ROBO2: variants seen among roughly 807,000 people sequenced by gnomAD.
The protein encoded by ROBO2 is roundabout guidance receptor 2.
In ROBO2, 53 loss-of-function variants were observed where a neutral mutation model predicts 160.8. The observed-to-expected ratio is 0.33, with a 90% CI of 0.26 to 0.41. The LOEUF (loss-of-function observed/expected upper bound fraction) is 0.41, where lower values mean the gene tolerates loss of function less well. Among genes scored for constraint, ROBO2 ranks in the 10% least tolerant of loss-of-function variants. The pLI, the probability that ROBO2 is intolerant of heterozygous loss-of-function variation, is 1.00. For synonymous variants in ROBO2, 664 were observed against 611.7 expected, an observed-to-expected ratio of 1.09 and a Z score of -1.26; for missense variants, 1,577 against 1,722.4, an observed-to-expected ratio of 0.92 and a Z score of 1.49.
intron 1 of ROBO2, among the ~76,000 whole-genome samples, chr3:75,927,105 C>A (rs560505903): frequency 6.6e-6 from 1 of 152,254 alleles, no homozygotes; most frequent in Admixed American, 6.5e-5. Context: ...GGAGATCATC[C>A]TCTCTTGTCA....
At chr3:76,257,331 G>C (rs1464996777) in intron 2 of ROBO2, among the ~76,000 whole-genome samples, 1 of 151,974 alleles carries the variant, frequency 6.6e-6, no homozygotes, top group Non-Finnish European at 1.5e-5. Context: ...ATAAAATTTA[G>C]AAATAACTTA....
At chr3:77,504,757 A>G (rs1229401613) in intron 5 of ROBO2, among the ~76,000 whole-genome samples, 1 of 152,180 alleles carries the variant, frequency 6.6e-6, no homozygotes, top group Non-Finnish European at 1.5e-5. Flanking sequence ...AAAAGATGAG[A>G]TTGTTCTCAA....
chr3:76,833,982 T>TTTCTTTCTTTCC (rs2067310885), intron 2 of ROBO2, among the ~76,000 whole-genome samples: 1 of 98,992 alleles, frequency 1.0e-5, no homozygotes, highest in African/African-American at 3.3e-5. Flanking sequence ...CTTTCTTTTC[T>TTTCTTTCTTTCC]TTCTTTCTTT....
intron 2 of ROBO2, among the ~76,000 whole-genome samples, chr3:77,176,269 A>G (rs1004046923): frequency 1.3e-5 from 2 of 152,092 alleles, no homozygotes; most frequent in African/African-American, 4.8e-5. Context: ...TCTGTTGGCC[A>G]TTATTACAGA....
In ROBO2 at chr3:76,788,544, T is replaced by C. The variant is rs188985094; in HGVS notation, c.110-309470T>C. ...ACTCAACTGTCTTTTAATGTAGATA[T>C]TACCAAATTTGTAGGACTTTTATGA... is the stretch of plus-strand genomic sequence containing the variant. On this transcript the variant is annotated intron_variant, in intron 2 of 26. Transcript: ENST00000487694. Among the ~76,000 whole-genome samples the C allele has an allele frequency of 3.5e-3, 529 of 151,692 alleles. 7 individuals are homozygous for C. Among genetic ancestry groups the C allele is most frequent in the South Asian group, 0.025 (122 of 4,826 alleles).
chr3:76,541,673 C>T (rs182299477), intron 2 of ROBO2, among the ~76,000 whole-genome samples: 1 of 152,260 alleles, frequency 6.6e-6, no homozygotes, highest in East Asian at 1.9e-4. Flanking sequence ...GGAGGCGCTT[C>T]CCTGGAGGAG....
chr3:76,326,764 C>T (rs2073061269), intron 2 of ROBO2, among the ~76,000 whole-genome samples: 1 of 96,380 alleles, frequency 1.0e-5, no homozygotes, highest in Non-Finnish European at 2.0e-5. Context: ...TGCTATCCCT[C>T]CCCCCTCCCC....
intron 9 of ROBO2, among the ~76,000 whole-genome samples, chr3:77,560,888 T>C (rs138330428): frequency 1.9e-4 from 29 of 152,250 alleles, no homozygotes; most frequent in African/African-American, 7.0e-4. Context: ...ACAGACCATA[T>C]TCAAATGAAC....
chr3:76,108,734 G>C (rs1241578151), intron 2 of ROBO2, among the ~76,000 whole-genome samples: 1 of 151,156 alleles, frequency 6.6e-6, no homozygotes, highest in Non-Finnish European at 1.5e-5. Flanking sequence ...AAATTACTAT[G>C]TATTACCAAA....
intron 2 of ROBO2, among the ~76,000 whole-genome samples, chr3:77,433,282 A>G (rs750016851): frequency 7.2e-5 from 11 of 151,896 alleles, no homozygotes; most frequent in Admixed American, 2.0e-4. Flanking sequence ...CTCCTCCTGC[A>G]TTTCAGATAA....
rs3901496 is a variant in ROBO2, at chr3:76,734,304, G to A, written c.110-363710G>A. 7.1e-3 allele frequency among the ~76,000 whole-genome samples: 1,084 copies of A among 152,210 alleles called. 7 individuals are homozygous for A. The highest frequency in any genetic ancestry group is 0.019 in the African/African-American group (798 of 41,530). ...GGTGGCCATATAATTCATCTTCCAA[G>A]TTGAAACACATTTGAGAGTAAAAGG... On this transcript the variant is annotated intron_variant, in intron 2 of 26. Transcript: ENST00000487694.
intron 2 of ROBO2, among the ~76,000 whole-genome samples, chr3:76,236,324 C>T (rs892647539): frequency 2.6e-5 from 4 of 151,982 alleles, no homozygotes; most frequent in Non-Finnish European, 4.4e-5. Flanking sequence ...GGAATTATGT[C>T]AATGTTTATC....
At chr3:76,208,796 G>T (rs2107305019) in intron 2 of ROBO2, among the ~76,000 whole-genome samples, 1 of 152,138 alleles carries the variant, frequency 6.6e-6, no homozygotes, top group South Asian at 2.1e-4. Context: ...CCGGGTCTGG[G>T]GGATAATGGC....
chr3:77,420,238 T>G (rs547500508), intron 2 of ROBO2, among the ~76,000 whole-genome samples: 1 of 149,258 alleles, frequency 6.7e-6, no homozygotes, highest in African/African-American at 2.5e-5. Flanking sequence ...ATATTTAAGG[T>G]AACTATTTTA....
intron 2 of ROBO2, among the ~76,000 whole-genome samples, chr3:77,412,004 C>T (rs1305968191): frequency 2.0e-5 from 3 of 152,168 alleles, no homozygotes; most frequent in Non-Finnish European, 4.4e-5. Flanking sequence ...ATTAGAAAAA[C>T]AACCCAAATT....
chr3:75,979,892 G>C (rs933769837), intron 2 of ROBO2, among the ~76,000 whole-genome samples: 1 of 151,502 alleles, frequency 6.6e-6, no homozygotes, highest in Non-Finnish European at 1.5e-5. Context: ...AAGTTGCTTA[G>C]TTTATTTTCT....
chr3:76,943,273 A>G (rs2078312003), intron 2 of ROBO2, among the ~76,000 whole-genome samples: 1 of 150,940 alleles, frequency 6.6e-6, no homozygotes, highest in Admixed American at 6.6e-5. Flanking sequence ...TGAGCCTCTG[A>G]CCCCCTTTAT....
At chr3:76,531,772 T>C (rs747460446) in intron 2 of ROBO2, among the ~76,000 whole-genome samples, 2 of 152,142 alleles carry the variant, frequency 1.3e-5, no homozygotes, top group East Asian at 1.9e-4. Context: ...TTTTCCAATA[T>C]GCCTAAAGTT....
intron 2 of ROBO2, among the ~76,000 whole-genome samples, chr3:76,627,147 C>CAT (rs2089704194): frequency 6.6e-6 from 1 of 152,190 alleles, no homozygotes; most frequent in Admixed American, 6.5e-5. Flanking sequence ...GTTTAACATG[C>CAT]ATAGATAAGC....
Sources: allele counts gnomAD v4.1 joint callset (sites outside exome capture counted in the v4.1 genomes callset), GRCh38; gene constraint gnomAD v4.1.1; transcripts MANE v1.5; gene names NCBI Gene and HGNC (gene_info 2026-07-23, HGNC 2026-07-21).